The following WWOX variants were observed in gnomAD, a reference collection of about 807,000 sequenced individuals.
WWOX encodes WW domain containing oxidoreductase, also known as WW domain-containing oxidoreductase.
A neutral mutation model predicts 46.2 loss-of-function variants in WWOX; 69 were observed. That is an observed-to-expected ratio of 1.49 (90% CI 1.23 to 1.82). WWOX has a LOEUF of 1.82. Among genes scored for constraint, WWOX ranks in the 40% most tolerant of loss-of-function variants. WWOX has a pLI of 0.00. For missense variants in WWOX, 919 were observed against 542.6 expected (o/e 1.69, Z -6.89); for synonymous variants, 359 against 202.6 (o/e 1.77, Z -6.56).
intron 5 of WWOX, among the ~76,000 whole-genome samples, chr16:78,363,993 C>T (rs1306215462): frequency 6.6e-6 from 1 of 152,210 alleles, no homozygotes; most frequent in African/African-American, 2.4e-5. Context: ...AAGAGGAATT[C>T]TTCAAAACAA....
chr16:78,693,270 A>G (rs1597453719), intron 8 of WWOX, among the ~76,000 whole-genome samples: 2 of 152,298 alleles, frequency 1.3e-5, no homozygotes, highest in Admixed American at 1.3e-4. Flanking sequence ...CTAGAGGTCT[A>G]GCCTACAAAG....
intron 5 of WWOX, among the ~76,000 whole-genome samples, chr16:78,213,403 C>T (rs991543470): frequency 2.0e-5 from 3 of 151,782 alleles, no homozygotes; most frequent in African/African-American, 7.3e-5. Context: ...CTTCTCCCCA[C>T]AATCCATTGG....
chr16:79,053,328 T>A (rs555579373), intron 8 of WWOX, among the ~76,000 whole-genome samples: 1 of 152,346 alleles, frequency 6.6e-6, no homozygotes, highest in South Asian at 2.1e-4. Flanking sequence ...GCCGTTTTAA[T>A]GTGATTCCTG....
chr16:78,735,324 A>G (rs1159405004), intron 8 of WWOX, among the ~76,000 whole-genome samples: 2 of 151,310 alleles, frequency 1.3e-5, no homozygotes, highest in African/African-American at 4.9e-5. Flanking sequence ...TTATCTATCT[A>G]TCAATCCATT....
chr16:78,857,699 G>C (rs1175793010), intron 8 of WWOX, among the ~76,000 whole-genome samples: 1 of 152,076 alleles, frequency 6.6e-6, no homozygotes, highest in African/African-American at 2.4e-5. Flanking sequence ...GATCACTAGA[G>C]GCCTTTTCCC....
intron 8 of WWOX, among the ~76,000 whole-genome samples, chr16:79,063,643 C>A (rs752596275): frequency 6.6e-6 from 1 of 152,200 alleles, no homozygotes; most frequent in African/African-American, 2.4e-5. Context: ...CTGACTCTTG[C>A]GCGCTAGAGT....
intron 8 of WWOX, among the ~76,000 whole-genome samples, chr16:78,975,660 C>T (rs1377821996): frequency 6.6e-6 from 1 of 152,102 alleles, no homozygotes; most frequent in Non-Finnish European, 1.5e-5. Context: ...CCAATGTTAA[C>T]ACCCCTGGAT....
At chr16:78,387,054 G>T (rs1053350851) in intron 6 of WWOX, 106 bp downstream of exon 6, 26 of 1,159,600 alleles carry the variant, frequency 2.2e-5, no homozygotes, top group Non-Finnish European at 3.0e-5. Context: ...TTGTCTTGGC[G>T]TCCAAACAGG....
At chr16:78,278,060 A>G (rs2079611597) in intron 5 of WWOX, among the ~76,000 whole-genome samples, 1 of 152,178 alleles carries the variant, frequency 6.6e-6, no homozygotes, top group Non-Finnish European at 1.5e-5. Flanking sequence ...AATATCCCTT[A>G]AAATGCATCC....
At chr16:78,755,667 G>A (rs2049626103) in intron 8 of WWOX, among the ~76,000 whole-genome samples, 1 of 152,160 alleles carries the variant, frequency 6.6e-6, no homozygotes, top group Non-Finnish European at 1.5e-5. Flanking sequence ...GGGAGAGGAA[G>A]CCTCAGGACC....
Position 79,043,987 on chromosome 16 carries a change from A to T in WWOX, c.1057-167621A>T, listed in dbSNP as rs11860022. Among the ~76,000 whole-genome samples, 561 of 152,280 alleles carry T rather than the reference A, an allele frequency of 3.7e-3. 4 individuals carry two copies. Among genetic ancestry groups the T allele is most frequent in the African/African-American group, 0.013 (532 of 41,570 alleles). On this transcript the variant is annotated intron_variant, in intron 8 of 8. Coordinates refer to ENST00000566780, the MANE Select transcript of WWOX (RefSeq NM_016373.4). Reference sequence around the variant, plus strand: ...TGGTCCTTGTGGCCAGGGACAATGAAACTCTCATTGATTAGGCCTGAGTTA... The same window carrying T: ...TGGTCCTTGTGGCCAGGGACAATGATACTCTCATTGATTAGGCCTGAGTTA...
chr16:78,453,645 AT>A (rs577673426), intron 8 of WWOX, among the ~76,000 whole-genome samples: 103 of 149,814 alleles, frequency 6.9e-4, no homozygotes, highest in South Asian at 1.7e-3. Flanking sequence ...TATCCTGAAG[AT>A]TTTTTTTTTA....
At chr16:78,768,109 A>G (rs1338976026) in intron 8 of WWOX, among the ~76,000 whole-genome samples, 1 of 151,140 alleles carries the variant, frequency 6.6e-6, no homozygotes, top group Admixed American at 6.6e-5. Context: ...TTTACCGGGT[A>G]ATTGTAATTC....
At chr16:78,691,908 C>T (rs1352988556) in intron 8 of WWOX, among the ~76,000 whole-genome samples, 2 of 152,132 alleles carry the variant, frequency 1.3e-5, no homozygotes, top group Non-Finnish European at 2.9e-5. Context: ...AATCATGGGG[C>T]CCAGCCTTTC....
At chr16:78,601,635 G>A (rs901137806) in intron 8 of WWOX, among the ~76,000 whole-genome samples, 7 of 152,290 alleles carry the variant, frequency 4.6e-5, no homozygotes, top group African/African-American at 1.4e-4. Context: ...AAATCAAGAA[G>A]CTATGAATAC....
At chr16:78,719,121 C>T (rs914917263) in intron 8 of WWOX, among the ~76,000 whole-genome samples, 39 of 152,286 alleles carry the variant, frequency 2.6e-4, no homozygotes, top group African/African-American at 9.4e-4. Flanking sequence ...CAAATCCAAG[C>T]CCATCATGTA....
intron 8 of WWOX, among the ~76,000 whole-genome samples, chr16:79,153,386 T>C (rs2050319087): frequency 6.6e-6 from 1 of 152,156 alleles, no homozygotes; most frequent in African/African-American, 2.4e-5. Flanking sequence ...TCCTCTGCTG[T>C]GGGTACTTAC....
chr16:78,813,084 T>A (rs1359418337), intron 8 of WWOX, among the ~76,000 whole-genome samples: 2 of 151,614 alleles, frequency 1.3e-5, no homozygotes, highest in Non-Finnish European at 2.9e-5. Context: ...TGAGATGTTT[T>A]CTTTTTTTTT....
chr16:78,400,204 G>C (rs945452139), intron 6 of WWOX, among the ~76,000 whole-genome samples: 66 of 152,158 alleles, frequency 4.3e-4, no homozygotes, highest in Admixed American at 2.2e-3. Context: ...CTGATATTAT[G>C]CAATAATTTA....
Sources: allele counts gnomAD v4.1 joint callset (sites outside exome capture counted in the v4.1 genomes callset), GRCh38; gene constraint gnomAD v4.1.1; transcripts MANE v1.5; gene names NCBI Gene and HGNC (gene_info 2026-07-23, HGNC 2026-07-21).